The following MICU1 variants were observed in gnomAD, a reference collection of about 807,000 sequenced individuals.
MICU1 encodes calcium uptake protein 1, mitochondrial.
Under a neutral mutation model 56.8 loss-of-function variants are expected in MICU1, and 45 were observed. That is an observed-to-expected ratio of 0.79 (90% CI 0.62 to 1.02). MICU1 has a LOEUF of 1.02. MICU1 is among the 50% of genes least tolerant of loss of function. The probability of loss-of-function intolerance (pLI) is 0.00; values close to 1 mark genes in which losing one functional copy is unlikely to be tolerated. For missense variants in MICU1, 504 were observed against 587.1 expected (o/e 0.86, Z 1.46); for synonymous variants, 186 against 195.1 (o/e 0.95, Z 0.39).
chr10:72,422,716 CT>C (rs11330509), intron 9 of MICU1, among the ~76,000 whole-genome samples: 78,732 of 141,100 alleles, frequency 0.56, 22,789 homozygotes, highest in Non-Finnish European at 0.66. Context: ...TTTAGGTATT[CT>C]TTTTTTTTTT....
chr10:72,409,580 A>G (rs1863740211), intron 9 of MICU1, among the ~76,000 whole-genome samples: 1 of 152,144 alleles, frequency 6.6e-6, no homozygotes, highest in South Asian at 2.1e-4. Context: ...AGTACCAGCT[A>G]TTTGGGAGGC....
intron 8 of MICU1, among the ~76,000 whole-genome samples, chr10:72,457,215 C>CT (rs372652226): frequency 2.5e-3 from 331 of 131,828 alleles, no homozygotes; most frequent in Admixed American, 3.8e-3. Context: ...TTACTTCCTA[C>CT]TTTTTTTTTT....
chr10:72,407,218 T>G (rs1430701101), intron 10 of MICU1, among the ~76,000 whole-genome samples: 3 of 152,222 alleles, frequency 2.0e-5, no homozygotes, highest in African/African-American at 7.2e-5. Context: ...TGAAGTATAC[T>G]TACGTCTGCA....
chr10:72,546,639 A>G (rs1297800618), intron 4 of MICU1, among the ~76,000 whole-genome samples: 1 of 152,198 alleles, frequency 6.6e-6, no homozygotes, highest in African/African-American at 2.4e-5. Context: ...CGCAAACAAG[A>G]TTTTATCTAC....
At chr10:72,381,950 A>G (rs1362242320) in intron 10 of MICU1, among the ~76,000 whole-genome samples, 11 of 136,704 alleles carry the variant, frequency 8.0e-5, no homozygotes, top group African/African-American at 1.1e-4. Flanking sequence ...GAGACTGTGT[A>G]TATATATATC....
chr10:72,437,058 T>C (rs1241686691), intron 8 of MICU1, among the ~76,000 whole-genome samples: 1 of 152,076 alleles, frequency 6.6e-6, no homozygotes, highest in South Asian at 2.1e-4. Flanking sequence ...GCCACAAAGA[T>C]ACTCCTCGAG....
In MICU1 at chr10:72,453,785, C is replaced by T. The variant is rs183785216; in HGVS notation, c.933+21315G>A. 5.9e-5 allele frequency among the ~76,000 whole-genome samples: 9 copies of T among 152,112 alleles called. No individual in the cohort carries two copies. The East Asian group carries it at 1.7e-3, about 29-fold the overall frequency. ...ACCTCAGGTGATCCACCCACCTCAG[C>T]CTCCCAAAGTGCTGGGATTACAGGC... is the stretch of plus-strand genomic sequence containing the variant. On this transcript the variant is annotated intron_variant, in intron 8 of 11. Coordinates refer to ENST00000361114, the MANE Select transcript of MICU1 (RefSeq NM_001195518.2).
In MICU1 at chr10:72,582,386, CAT is replaced by C. The variant is rs1840922968; in HGVS notation, c.-1-15594_-1-15593del. Among the ~76,000 whole-genome samples the C allele has an allele frequency of 2.0e-5, 3 of 152,282 alleles. No homozygotes were observed. The South Asian group carries it at 6.2e-4, about 32-fold the overall frequency. On this transcript the variant is annotated intron_variant, in intron 1 of 11. Transcript: ENST00000361114. ...GCAAGAGGCACAAAGATGAACAAGA[CAT>C]AGTCTTTGCCCACTAACACCTTATA...
chr10:72,586,003 TTTTTTTTTTC>T (rs1240513323), intron 1 of MICU1, among the ~76,000 whole-genome samples: 12 of 132,524 alleles, frequency 9.1e-5, no homozygotes, highest in African/African-American at 3.1e-4. Context: ...TATTTTTTCT[TTTTTTTTTTC>T]TTTTTTTTTT....
At chr10:72,589,239 A>G (rs190482471) in intron 1 of MICU1, among the ~76,000 whole-genome samples, 24 of 151,926 alleles carry the variant, frequency 1.6e-4, no homozygotes, top group African/African-American at 5.3e-4. Context: ...CAGTGGGCCG[A>G]GATTGCGTCA....
At chr10:72,569,398 C>A in intron 1 of MICU1, among the ~76,000 whole-genome samples, 1 of 150,468 alleles carries the variant, frequency 6.6e-6, no homozygotes. Flanking sequence ...TGATGCCTGG[C>A]TAATTTTTGC....
chr10:72,571,952 A>G (rs1198973167), intron 1 of MICU1, among the ~76,000 whole-genome samples: 1 of 151,990 alleles, frequency 6.6e-6, no homozygotes, highest in African/African-American at 2.4e-5. Context: ...TGCACAGGAG[A>G]TATGGAAGAT....
At chr10:72,477,724 T>A (rs1866167012) in intron 6 of MICU1, 1 of 603,516 alleles carries the variant, frequency 1.7e-6, no homozygotes, top group Non-Finnish European at 2.9e-6. Context: ...CTAGTCTCTT[T>A]GTTGTAAGTG....
chr10:72,468,231 T>G (rs1865851755), intron 8 of MICU1, among the ~76,000 whole-genome samples: 1 of 152,074 alleles, frequency 6.6e-6, no homozygotes, highest in Non-Finnish European at 1.5e-5. Flanking sequence ...GATAATACCT[T>G]TTCAGTGTCC....
intron 8 of MICU1, among the ~76,000 whole-genome samples, chr10:72,432,202 TC>T (rs771237445): frequency 6.6e-6 from 1 of 150,918 alleles, no homozygotes; most frequent in Non-Finnish European, 1.5e-5. Context: ...CAAGCAATCC[TC>T]CCACCTCAGC....
chr10:72,511,273 G>A (rs894809171), intron 5 of MICU1, among the ~76,000 whole-genome samples: 1 of 152,088 alleles, frequency 6.6e-6, no homozygotes, highest in African/African-American at 2.4e-5. Context: ...ATATTCCACT[G>A]TATGGGATGC....
chr10:72,395,264 T>C (rs1251522662), intron 10 of MICU1, among the ~76,000 whole-genome samples: 1 of 151,922 alleles, frequency 6.6e-6, no homozygotes, highest in Non-Finnish European at 1.5e-5. Context: ...ATCGGCCCAA[T>C]ATGGTGAATC....
chr10:72,372,435 A>G (rs565630111), intron 11 of MICU1, among the ~76,000 whole-genome samples: 1 of 152,302 alleles, frequency 6.6e-6, no homozygotes, highest in South Asian at 2.1e-4. Flanking sequence ...GTTTGAGGCC[A>G]GCCTAGAAAA....
intron 1 of MICU1, among the ~76,000 whole-genome samples, chr10:72,592,843 C>T (rs868463411): frequency 1.1e-4 from 16 of 149,028 alleles, no homozygotes; most frequent in South Asian, 4.2e-4. Flanking sequence ...AGAGCAATGG[C>T]GCAATCTCGG....
Sources: allele counts gnomAD v4.1 joint callset (sites outside exome capture counted in the v4.1 genomes callset), GRCh38; gene constraint gnomAD v4.1.1; transcripts MANE v1.5; gene names NCBI Gene and HGNC (gene_info 2026-07-23, HGNC 2026-07-21).